Variants in SCHIP1 observed in about 807,000 individuals in gnomAD.
SCHIP1 encodes schwannomin interacting protein 1.
SCHIP1 carries 8 observed loss-of-function variants against 29.7 expected under a neutral mutation model. The observed-to-expected ratio is 0.27, with a 90% confidence interval of 0.16 to 0.49. The LOEUF is 0.49. Ranked by LOEUF, SCHIP1 falls within the 20% of genes least tolerant of loss-of-function variation. The probability of loss-of-function intolerance (pLI) is 0.99; values close to 1 mark genes in which losing one functional copy is unlikely to be tolerated. For missense variants in SCHIP1, 193 were observed against 294.6 expected, an observed-to-expected ratio of 0.66 and a Z score of 2.52; for synonymous variants, 76 against 94.9, an observed-to-expected ratio of 0.80 and a Z score of 1.16.
chr3:159,877,600 G>A (rs970955697), intron 2 of SCHIP1, among the ~76,000 whole-genome samples: 1 of 152,144 alleles, frequency 6.6e-6, no homozygotes, highest in African/African-American at 2.4e-5. Context: ...AAGAATAAAA[G>A]AATTTGCAAT....
the SCHIP1 span, among the ~76,000 whole-genome samples, chr3:159,341,610 C>T: frequency 2.0e-5 from 3 of 152,132 alleles, no homozygotes; most frequent in African/African-American, 4.8e-5. Context: ...GTGGGAGGAG[C>T]CATAGGTCTT....
At chr3:159,381,967 C>T in the SCHIP1 span, among the ~76,000 whole-genome samples, 76 of 152,004 alleles carry the variant, frequency 5.0e-4, no homozygotes, top group Non-Finnish European at 8.7e-4. Flanking sequence ...GTCACTATAG[C>T]GTGGGAAAAA....
the SCHIP1 span, among the ~76,000 whole-genome samples, chr3:159,762,741 A>G: frequency 6.6e-6 from 1 of 152,132 alleles, no homozygotes; most frequent in Non-Finnish European, 1.5e-5. Flanking sequence ...AAGTGTTGGT[A>G]TTTTTCATTT....
the SCHIP1 span, among the ~76,000 whole-genome samples, chr3:159,444,750 G>A: frequency 2.6e-5 from 4 of 152,186 alleles, no homozygotes; most frequent in Non-Finnish European, 4.4e-5. Context: ...ACTCCAGAAC[G>A]ATTTCTCAGA....
chr3:159,282,058 T>C, the SCHIP1 span, among the ~76,000 whole-genome samples: 1 of 152,156 alleles, frequency 6.6e-6, no homozygotes, highest in South Asian at 2.1e-4. Flanking sequence ...ATGAGTAATA[T>C]GAAATCACAT....
At chr3:159,426,361 G>A in the SCHIP1 span, among the ~76,000 whole-genome samples, 14 of 152,048 alleles carry the variant, frequency 9.2e-5, no homozygotes, top group Admixed American at 5.9e-4. Context: ...TATCACCACC[G>A]ATCCCACAGA....
chr3:159,760,720 A>G, the SCHIP1 span, among the ~76,000 whole-genome samples: 1 of 152,176 alleles, frequency 6.6e-6, no homozygotes, highest in Non-Finnish European at 1.5e-5. Context: ...GCCCTGACCC[A>G]TCTAAGGGTT....
the SCHIP1 span, among the ~76,000 whole-genome samples, chr3:159,625,824 T>G: frequency 2.0e-5 from 3 of 152,008 alleles, no homozygotes; most frequent in African/African-American, 7.3e-5. Flanking sequence ...CTCCCTTCTG[T>G]ATTACCCTCC....
At chr3:159,869,206 AAT>A (rs1714971684) in intron 2 of SCHIP1, among the ~76,000 whole-genome samples, 1 of 151,866 alleles carries the variant, frequency 6.6e-6, no homozygotes, top group Admixed American at 6.6e-5. Context: ...TCACTTTTTT[AAT>A]ATGTGTTTTA....
chr3:159,699,875 T>C, the SCHIP1 span, among the ~76,000 whole-genome samples: 6 of 152,134 alleles, frequency 3.9e-5, no homozygotes, highest in African/African-American at 1.4e-4. Flanking sequence ...AAAGGCACAA[T>C]AGAAAGGATT....
the SCHIP1 span, among the ~76,000 whole-genome samples, chr3:159,402,665 G>A: frequency 2.0e-5 from 3 of 152,200 alleles, 1 homozygote; most frequent in African/African-American, 7.2e-5. Context: ...ATCATTCTCA[G>A]CAAACTATTG....
chr3:159,319,088 G>T, the SCHIP1 span, among the ~76,000 whole-genome samples: 1 of 152,200 alleles, frequency 6.6e-6, no homozygotes, highest in Non-Finnish European at 1.5e-5. Flanking sequence ...AATGAAAATA[G>T]AATTTCATTC....
chr3:159,734,769 T>A, the SCHIP1 span, among the ~76,000 whole-genome samples: 6 of 151,528 alleles, frequency 4.0e-5, no homozygotes, highest in Admixed American at 2.0e-4. Flanking sequence ...AAATGCTATT[T>A]CTCATTTCTT....
At chr3:159,843,238 C>A (rs1744442256) in intron 1 of SCHIP1, among the ~76,000 whole-genome samples, 2 of 151,712 alleles carry the variant, frequency 1.3e-5, no homozygotes, top group Non-Finnish European at 2.9e-5. Context: ...GTCTCGAACA[C>A]CTGACCTCAG....
chr3:159,289,107 A>G, the SCHIP1 span, among the ~76,000 whole-genome samples: 5 of 152,308 alleles, frequency 3.3e-5, no homozygotes, highest in African/African-American at 1.2e-4. Context: ...TTTTCTCATC[A>G]GCATTGCCAA....
chr3:159,524,309 T>C, the SCHIP1 span, among the ~76,000 whole-genome samples: 19 of 152,302 alleles, frequency 1.2e-4, no homozygotes, highest in East Asian at 3.3e-3. Context: ...AAGTCTCTTC[T>C]CTCTCCCTTG....
chr3:159,762,022 T>C, the SCHIP1 span, among the ~76,000 whole-genome samples: 3 of 152,194 alleles, frequency 2.0e-5, no homozygotes, highest in Non-Finnish European at 2.9e-5. Flanking sequence ...ATCTAAGCCA[T>C]GCCATGTCAT....
chr3:159,893,317 T>C (rs1691370745), intron 6 of SCHIP1: 1 of 152,228 alleles, frequency 6.6e-6, no homozygotes, highest in South Asian at 2.1e-4. Flanking sequence ...CTTCTCATAC[T>C]CTTTGAACAT....
the SCHIP1 span, among the ~76,000 whole-genome samples, chr3:159,382,079 T>C: frequency 1.3e-5 from 2 of 152,050 alleles, no homozygotes; most frequent in African/African-American, 4.8e-5. Context: ...ATAAGTCACA[T>C]AGCCACACTT....
Sources: gnomAD v4.1 joint callset for allele counts (sites outside exome capture counted in the v4.1 genomes callset) on GRCh38, gnomAD v4.1.1 for gene constraint, MANE v1.5 for transcripts, NCBI Gene and HGNC (gene_info 2026-07-23, HGNC 2026-07-21) for gene names.